Variants in GAB2 observed in about 807,000 individuals in gnomAD.
GAB2 encodes GRB2-associated-binding protein 2.
Under a neutral mutation model 65.5 loss-of-function variants are expected in GAB2, and 26 were observed. The observed-to-expected ratio is 0.40, with a 90% CI of 0.29 to 0.55. The LOEUF (loss-of-function observed/expected upper bound fraction) is 0.55. Among genes scored for constraint, GAB2 ranks in the 20% least tolerant of loss-of-function variants. The pLI, the probability that GAB2 is intolerant of heterozygous loss-of-function variation, is 0.53. For missense variants in GAB2, 884 were observed against 875.8 expected, an observed-to-expected ratio of 1.01 and a Z score of -0.12; for synonymous variants, 321 against 329.6, an observed-to-expected ratio of 0.97 and a Z score of 0.28.
rs190123244 is a variant in GAB2, at chr11:78,289,807, A to C, written c.76-8906T>G. 3.9e-3 allele frequency among the ~76,000 whole-genome samples: 573 copies of C among 145,552 alleles called. 4 individuals carry two copies. The highest frequency in any genetic ancestry group is 0.013 in the African/African-American group (527 of 39,702). On this transcript the variant is annotated intron_variant, in intron 1 of 9. Coordinates refer to ENST00000361507, the MANE Select transcript of GAB2 (RefSeq NM_080491.3). ...TGATATGCGGTTTTGGAAAGGAAGA[A>C]CAGGACCTTTTTTTTTTTTTTTTTT...
intron 1 of GAB2, among the ~76,000 whole-genome samples, chr11:78,343,454 G>A (rs1856132677): frequency 1.3e-5 from 2 of 151,518 alleles, no homozygotes; most frequent in African/African-American, 4.9e-5. Context: ...AGAAGGAGAG[G>A]GAGAGAGGAA....
chr11:78,394,839 G>A (rs986874676), intron 1 of GAB2, among the ~76,000 whole-genome samples: 1 of 152,168 alleles, frequency 6.6e-6, no homozygotes, highest in Non-Finnish European at 1.5e-5. Context: ...GAGACGAAAA[G>A]AACTAAATAC....
chr11:78,400,407 C>A (rs1395429776), intron 1 of GAB2, among the ~76,000 whole-genome samples: 1 of 152,146 alleles, frequency 6.6e-6, no homozygotes, highest in African/African-American at 2.4e-5. Flanking sequence ...TCTGCAAATG[C>A]CTTGAAGGCA....
intron 1 of GAB2, among the ~76,000 whole-genome samples, chr11:78,372,122 T>C (rs1856579660): frequency 6.6e-6 from 1 of 152,340 alleles, no homozygotes; most frequent in East Asian, 1.9e-4. Flanking sequence ...CTGCTTTTTT[T>C]CCTTTTCTTT....
intron 1 of GAB2, among the ~76,000 whole-genome samples, chr11:78,375,970 T>C (rs1199399785): frequency 6.6e-6 from 1 of 152,252 alleles, no homozygotes; most frequent in Non-Finnish European, 1.5e-5. Flanking sequence ...ACAGCAGCTC[T>C]GTGCATTCCA....
At chr11:78,407,711 T>C (rs901075415) in intron 1 of GAB2, among the ~76,000 whole-genome samples, 1 of 83,978 alleles carries the variant, frequency 1.2e-5, no homozygotes, top group Non-Finnish European at 2.3e-5. Flanking sequence ...GAGATGGCAT[T>C]TTCCGTCCCA....
intron 1 of GAB2, among the ~76,000 whole-genome samples, chr11:78,338,189 T>C (rs1856034302): frequency 6.6e-6 from 1 of 152,260 alleles, no homozygotes; most frequent in African/African-American, 2.4e-5. Context: ...ACTGCACTGT[T>C]GGCTGGATAA....
intron 1 of GAB2, among the ~76,000 whole-genome samples, chr11:78,415,397 C>A (rs567165611): frequency 1.3e-5 from 2 of 152,234 alleles, no homozygotes; most frequent in East Asian, 1.9e-4. Flanking sequence ...TGAACTCGGG[C>A]CTCTACTGAA....
intron 1 of GAB2, among the ~76,000 whole-genome samples, chr11:78,328,957 C>T (rs955297239): frequency 6.6e-6 from 1 of 152,106 alleles, no homozygotes; most frequent in Middle Eastern, 3.2e-3. Context: ...AGATGTGGAA[C>T]TCTAGGGAAT....
At chr11:78,298,902 T>G (rs998393697) in intron 1 of GAB2, among the ~76,000 whole-genome samples, 8 of 152,230 alleles carry the variant, frequency 5.3e-5, no homozygotes, top group Admixed American at 4.6e-4. Context: ...AATATACATC[T>G]GATTGTTTTA....
intron 1 of GAB2, among the ~76,000 whole-genome samples, chr11:78,332,498 G>A (rs1855931941): frequency 6.6e-6 from 1 of 152,158 alleles, no homozygotes; most frequent in African/African-American, 2.4e-5. Flanking sequence ...GAAGGTAAAA[G>A]CCCCAGTGTC....
At chr11:78,373,780 T>C (rs1856601204) in intron 1 of GAB2, among the ~76,000 whole-genome samples, 1 of 152,210 alleles carries the variant, frequency 6.6e-6, no homozygotes, top group Admixed American at 6.5e-5. Flanking sequence ...CCTTTGTTGT[T>C]AGATGATCAC....
intron 1 of GAB2, among the ~76,000 whole-genome samples, chr11:78,372,215 T>TTCACCTTA (rs1856581321): frequency 6.6e-6 from 1 of 152,156 alleles, no homozygotes; most frequent in African/African-American, 2.4e-5. Context: ...ACAAAGTGCT[T>TTCACCTTA]TCACCTTAGC....
chr11:78,226,520 G>A lies in GAB2; in HGVS notation c.1152C>T (p.Ala384=), dbSNP rs754906856. 6.2e-7 allele frequency: 1 copy of A among 1,613,528 alleles called. No individual in the cohort carries two copies. Among genetic ancestry groups the A allele is most frequent in the Non-Finnish European group, 8.5e-7 (1 of 1,179,902 alleles). The change falls in exon 4 of 10, where the codon GCC becomes GCT. Residue 384 remains alanine (A), a synonymous_variant. Coordinates refer to ENST00000361507, the MANE Select transcript of GAB2 (RefSeq NM_080491.3). ...GGAGGGTGTTGCGTCTGGGGATGGT[G>A]GCAGCGACAGATCTGCTATTTTCAC... ...PISENSRSVA[A]TIPRRNTLPA...
intron 1 of GAB2, among the ~76,000 whole-genome samples, chr11:78,297,488 T>C (rs955038524): frequency 4.0e-5 from 6 of 151,878 alleles, no homozygotes; most frequent in African/African-American, 1.5e-4. Context: ...AGTGTGTGTG[T>C]TTTGAAGGAC....
intron 3 of GAB2, among the ~76,000 whole-genome samples, chr11:78,231,336 GGTGTGTGTGTGT>G (rs58651538): frequency 3.4e-5 from 5 of 145,898 alleles, no homozygotes; most frequent in East Asian, 2.0e-4. Flanking sequence ...GCGCGTGTGT[GGTGTGTGTGTGT>G]GTGTGTGTGT....
chr11:78,228,331 G>GA (rs138619675), intron 3 of GAB2, among the ~76,000 whole-genome samples: 6 of 152,128 alleles, frequency 3.9e-5, no homozygotes, highest in African/African-American at 1.4e-4. Context: ...TTCACTTGGG[G>GA]AAAAAAAGAA....
intron 1 of GAB2, among the ~76,000 whole-genome samples, chr11:78,372,745 G>A (rs372812898): frequency 2.0e-5 from 3 of 152,056 alleles, no homozygotes; most frequent in Admixed American, 6.5e-5. Context: ...AATCAAAATC[G>A]TAACACACTT....
intron 1 of GAB2, among the ~76,000 whole-genome samples, chr11:78,321,808 G>C (rs1424396800): frequency 6.6e-6 from 1 of 151,306 alleles, no homozygotes; most frequent in African/African-American, 2.4e-5. Flanking sequence ...TAGACCAATG[G>C]AACAGAATAG....
Sources: gnomAD v4.1 joint callset for allele counts (sites outside exome capture counted in the v4.1 genomes callset) on GRCh38, gnomAD v4.1.1 for gene constraint, MANE v1.5 for transcripts, NCBI Gene and HGNC (gene_info 2026-07-23, HGNC 2026-07-21) for gene names.